Variants in FAM13B observed in about 807,000 individuals in gnomAD.
FAM13B encodes the protein family with sequence similarity 13 member B, also known as protein FAM13B.
Under a neutral mutation model 117.3 loss-of-function variants are expected in FAM13B, and 60 were observed. That is an observed-to-expected ratio of 0.51 (90% confidence interval 0.42 to 0.63). The LOEUF is 0.63. Ranked by LOEUF, FAM13B falls within the 30% of genes least tolerant of loss-of-function variation. The pLI is 0.00. For missense variants in FAM13B, 972 were observed against 1,091.9 expected, an observed-to-expected ratio of 0.89 and a Z score of 1.55; for synonymous variants, 332 against 356.1, an observed-to-expected ratio of 0.93 and a Z score of 0.76.
chr5:137,952,573 T>C (rs1254514003), intron 17 of FAM13B, 55 bp downstream of exon 17: 2 of 1,100,242 alleles, frequency 1.8e-6, no homozygotes, highest in African/African-American at 3.2e-5. Context: ...TCTCAGACAT[T>C]AATATAAAAA....
chr5:137,980,132 G>C (rs551117616), intron 10 of FAM13B, among the ~76,000 whole-genome samples: 1 of 148,086 alleles, frequency 6.8e-6, no homozygotes, highest in African/African-American at 2.5e-5. Flanking sequence ...CACATCACAC[G>C]ACTGCACTCT....
intron 4 of FAM13B, among the ~76,000 whole-genome samples, chr5:138,012,880 A>G (rs1480234849): frequency 6.6e-6 from 1 of 152,134 alleles, no homozygotes; most frequent in Admixed American, 6.5e-5. Flanking sequence ...TTATCAGGAA[A>G]TAGGACTCCA....
Position 137,967,354 on chromosome 5 carries a change from T to C in FAM13B, c.1180-4885A>G, listed in dbSNP as rs151041886. Among the ~76,000 whole-genome samples, 9 of 152,040 alleles carry C rather than the reference T, an allele frequency of 5.9e-5. No individual in the cohort carries two copies. The East Asian group carries it at 1.7e-3, about 29-fold the overall frequency. ...GCCTGGCCAAGATGGTGAAACCCGG[T>C]CTCTAGTAAAAATACAAAAGTTAGC... On this transcript the variant is annotated intron_variant, in intron 10 of 23. Coordinates refer to ENST00000689681, the MANE Select transcript of FAM13B (RefSeq NM_001385994.1).
At chr5:138,024,612 G>C (rs758050197) in intron 1 of FAM13B, among the ~76,000 whole-genome samples, 1 of 149,396 alleles carries the variant, frequency 6.7e-6, no homozygotes, top group Non-Finnish European at 1.5e-5. Flanking sequence ...GAAAACAGCA[G>C]CAGGCACCGT....
intron 7 of FAM13B, 145 bp from the exon 8 acceptor site, chr5:137,988,460 G>T: frequency 1.7e-6 from 1 of 600,738 alleles, no homozygotes; most frequent in South Asian, 2.2e-5. Context: ...ATATCAAGTT[G>T]GAAATATTTT....
chr5:138,046,527 TTC>T (rs954820684), intron 1 of FAM13B, among the ~76,000 whole-genome samples: 2 of 152,238 alleles, frequency 1.3e-5, no homozygotes, highest in African/African-American at 4.8e-5. Flanking sequence ...CATTTCTGTT[TTC>T]TGTCTTTCTT....
chr5:137,946,255 A>G lies in FAM13B; in HGVS notation c.2217T>C (p.Leu739=). The part of the protein sequence containing the change: ...EEKASLQKSL[L]YYESQHGRPV... ...GCCTTCCATGTTGACTTTCATAGTA[A>G]AGAAGACTTTTCTGAAGAGAAGCTT... The change falls in exon 19 of 24, where the codon CTT becomes CTC. Residue 739 remains leucine, a synonymous_variant. Transcript: ENST00000689681. 6.3e-7 allele frequency: 1 copy of G among 1,593,146 alleles called. No homozygotes were observed. The highest frequency in any genetic ancestry group is 1.8e-5 in the Admixed American group (1 of 54,064).
chr5:138,000,281 C>A (rs1780890454), intron 7 of FAM13B, among the ~76,000 whole-genome samples: 1 of 151,974 alleles, frequency 6.6e-6, no homozygotes, highest in South Asian at 2.1e-4. Context: ...TGCCTGTAGT[C>A]CTAGCTATTC....
intron 1 of FAM13B, among the ~76,000 whole-genome samples, chr5:138,047,707 A>T (rs572172794): frequency 6.6e-6 from 1 of 152,344 alleles, no homozygotes; most frequent in South Asian, 2.1e-4. Flanking sequence ...GGCAGAAGAC[A>T]CTGGAGTGAC....
chr5:138,043,049 G>A (rs1791542172), intron 1 of FAM13B, among the ~76,000 whole-genome samples: 1 of 152,054 alleles, frequency 6.6e-6, no homozygotes, highest in Admixed American at 6.6e-5. Flanking sequence ...CTGAGATCGT[G>A]CCACTTCATC....
chr5:137,948,676 G>A (rs944393995), intron 18 of FAM13B, among the ~76,000 whole-genome samples: 2 of 152,170 alleles, frequency 1.3e-5, no homozygotes, highest in African/African-American at 4.8e-5. Flanking sequence ...ATTGAGGCAT[G>A]AGCTACCTGT....
chr5:137,980,548 T>C (rs1035134759), intron 10 of FAM13B, among the ~76,000 whole-genome samples: 1 of 147,790 alleles, frequency 6.8e-6, no homozygotes, highest in Non-Finnish European at 1.5e-5. Flanking sequence ...GCTCAAGCAA[T>C]CCTCCCACCT....
At position 137,953,195 on chromosome 5, in the gene FAM13B, C is replaced by T. The variant is rs145086820; in HGVS notation, c.1848+141G>A. The T allele has an allele frequency of 1.1e-3, 947 of 880,638 alleles. 9 individuals are homozygous for T. In the African/African-American group the frequency reaches 0.015, roughly 14 times the overall value. The allele number at this position is 880,638 out of a possible 1,614,324, so 54.6% of individuals were successfully genotyped here. ...AGGAGACCAAGGAGTTATATAATCT[C>T]AGATCTACATGATCACTGTTCCTCC... On this transcript the variant is annotated intron_variant, in intron 16 of 23. Transcript: ENST00000689681.
intron 13 of FAM13B, among the ~76,000 whole-genome samples, chr5:137,957,497 C>T (rs1379846348): frequency 6.7e-6 from 1 of 149,954 alleles, no homozygotes; most frequent in Non-Finnish European, 1.5e-5. Context: ...CTGAGATCGC[C>T]CCACTGCACT....
intron 5 of FAM13B, among the ~76,000 whole-genome samples, chr5:138,011,466 T>C (rs1042420808): frequency 5.9e-5 from 9 of 152,084 alleles, no homozygotes; most frequent in African/African-American, 2.2e-4. Flanking sequence ...TCACCCAGGC[T>C]GGAGTGCATT....
chr5:137,954,483 G>T, intron 14 of FAM13B, 107 bp from the exon 15 acceptor site: 1 of 705,896 alleles, frequency 1.4e-6, no homozygotes. Context: ...ATTATGTAGT[G>T]GTTCATATAT....
At chr5:137,985,218 A>G in intron 10 of FAM13B, 39 bp downstream of exon 10, 1 of 1,596,852 alleles carries the variant, frequency 6.3e-7, no homozygotes. Flanking sequence ...TGAAGCAATC[A>G]AAGTTGTACA....
At chr5:138,025,106 T>G (rs966541627) in intron 1 of FAM13B, among the ~76,000 whole-genome samples, 32 of 151,582 alleles carry the variant, frequency 2.1e-4, no homozygotes, top group African/African-American at 7.5e-4. Context: ...ACTCCTGACC[T>G]CAGGTGATCT....
intron 10 of FAM13B, among the ~76,000 whole-genome samples, chr5:137,967,369 C>CAA (rs1770355127): frequency 6.6e-6 from 1 of 151,920 alleles, no homozygotes; most frequent in Admixed American, 6.6e-5. Context: ...AGTAAAAATA[C>CAA]AAAAGTTAGC....
Sources: gnomAD v4.1 joint callset for allele counts (sites outside exome capture counted in the v4.1 genomes callset) on GRCh38, gnomAD v4.1.1 for gene constraint, MANE v1.5 for transcripts, NCBI Gene and HGNC (gene_info 2026-07-23, HGNC 2026-07-21) for gene names.